Variants in PRDX1 observed in about 807,000 individuals in gnomAD.
The protein encoded by PRDX1 is peroxiredoxin-1.
A neutral mutation model predicts 20.7 loss-of-function variants in PRDX1; 19 were observed. The ratio of observed to expected loss-of-function variants is 0.92; its 90% CI spans 0.64 to 1.35. The LOEUF (loss-of-function observed/expected upper bound fraction) is 1.35. Among genes scored for constraint, PRDX1 ranks in the 40% most tolerant of loss-of-function variants. PRDX1 has a pLI of 0.00. For synonymous variants in PRDX1, 89 were observed against 83.9 expected (o/e 1.06, Z -0.33); for missense variants, 226 against 240.0 (o/e 0.94, Z 0.38).
At chr1:45,518,221 G>C (rs1643877808) in intron 2 of PRDX1, among the ~76,000 whole-genome samples, 1 of 151,902 alleles carries the variant, frequency 6.6e-6, no homozygotes, top group African/African-American at 2.4e-5. Flanking sequence ...CCAGCATTTT[G>C]GGACGCCGAG....
upstream of PRDX1, among the ~76,000 whole-genome samples, chr1:45,522,376 T>C (rs1643922510): frequency 2.0e-5 from 3 of 152,190 alleles, no homozygotes; most frequent in Admixed American, 2.0e-4. Context: ...TTGTTCTCTT[T>C]AATTACAGGG....
In PRDX1 at chr1:45,515,547, G is replaced by C. The variant is rs546983323; in HGVS notation, c.260+107C>G. On this transcript the variant is annotated intron_variant, in intron 3 of 5. Coordinates refer to ENST00000319248, the MANE Select transcript of PRDX1 (RefSeq NM_181697.3). ...CTGGGAGGCAGAGCTTGAAGTGAGC[G>C]GAGATCACACCACTGCACTCCAGCC... 9.6e-6 allele frequency: 11 copies of C among 1,151,488 alleles called. 1 individual carries two copies. The highest frequency in any genetic ancestry group is 1.3e-5 in the Non-Finnish European group (11 of 839,810). 71.3% of individuals were successfully genotyped at this position (1,151,488 alleles called of 1,614,324 possible).
At chr1:45,514,457 A>G (rs1557613016) in intron 5 of PRDX1, 50 bp downstream of exon 5, 2 of 1,603,832 alleles carry the variant, frequency 1.2e-6, no homozygotes, top group African/African-American at 1.3e-5. Flanking sequence ...GGGGCAACCC[A>G]CCCCTTCATA....
chr1:45,522,057 T>C (rs1223677592), upstream of PRDX1: 1 of 152,004 alleles, frequency 6.6e-6, no homozygotes, highest in Non-Finnish European at 1.5e-5. Context: ...TGCGGAAAAA[T>C]ACTAATACCC....
At chr1:45,522,083 G>A (rs1643920542), upstream of PRDX1, 1 of 152,220 alleles carries the variant, frequency 6.6e-6, no homozygotes, top group South Asian at 2.1e-4. Context: ...TGTTGCGGAT[G>A]GCTGAGGTTG....
chr1:45,517,212 G>T (rs1173427151), intron 2 of PRDX1, among the ~76,000 whole-genome samples: 1 of 152,074 alleles, frequency 6.6e-6, no homozygotes, highest in Admixed American at 6.6e-5. Flanking sequence ...CCTGGGCCCA[G>T]GTCACCTCCC....
At chr1:45,521,595 G>C (rs992768982) in intron 1 of PRDX1, 4 of 152,284 alleles carry the variant, frequency 2.6e-5, no homozygotes, top group African/African-American at 9.6e-5. Context: ...GACTCGACTC[G>C]AGTCCACGCT....
At chr1:45,517,714 G>A (rs952066536) in intron 2 of PRDX1, among the ~76,000 whole-genome samples, 2 of 151,498 alleles carry the variant, frequency 1.3e-5, no homozygotes, top group African/African-American at 2.4e-5. Flanking sequence ...CCCAGAAGGC[G>A]GAGCTTGCAG....
chr1:45,512,337 A>G (rs539156193), intron 5 of PRDX1: 1 of 150,400 alleles, frequency 6.6e-6, no homozygotes, highest in African/African-American at 2.4e-5. Context: ...TCCGGGGTTC[A>G]TGCCATTCTC....
In PRDX1 at chr1:45,511,314, A is replaced by C. The variant is rs1260992175; in HGVS notation, c.*15T>G. The C allele has an allele frequency of 3.1e-6, 5 of 1,595,678 alleles. No individual in the cohort carries two copies. The South Asian group carries it at 5.7e-5, about 18-fold the overall frequency. On this transcript the variant is annotated 3_prime_UTR_variant, in exon 6 of 6. Coordinates refer to ENST00000319248, the MANE Select transcript of PRDX1 (RefSeq NM_181697.3). ...TGGCTGCCCACCGCAGCCTGGCACT[A>C]AAACAGCCCAGCGCTCACTTCTGCT... is the stretch of plus-strand genomic sequence containing the variant.
At chr1:45,514,174 A>G (rs1039192182) in intron 5 of PRDX1, among the ~76,000 whole-genome samples, 2 of 152,160 alleles carry the variant, frequency 1.3e-5, no homozygotes, top group Non-Finnish European at 2.9e-5. Context: ...ACAGCACTTA[A>G]TTCTTTACCT....
rs1309588088 is a variant in PRDX1 at position 45,515,788 on chromosome 1, G to A, written c.126C>T (p.Phe42=). 2 of 1,577,852 alleles carry A rather than the reference G, an allele frequency of 1.3e-6. No individual in the cohort carries two copies. Among genetic ancestry groups the A allele is most frequent in the East Asian group, 4.6e-5 (2 of 43,292 alleles). Reference sequence around the variant, plus strand: ...CAAAGGTGAAGTCAAGAGGGTAAAAGAAGAACACAACATATTTTCCTGGGG... The same window carrying A: ...CAAAGGTGAAGTCAAGAGGGTAAAAAAAGAACACAACATATTTTCCTGGGG... ...SDYKGKYVVF[F]FYPLDFTFVC... The change falls in exon 3 of 6, where the codon TTC becomes TTT. Residue 42 remains phenylalanine, a synonymous_variant. Transcript: ENST00000319248.
At chr1:45,515,897 G>T in intron 2 of PRDX1, 90 bp from the exon 3 acceptor site, 1 of 1,289,242 alleles carries the variant, frequency 7.8e-7, no homozygotes, top group Non-Finnish European at 1.0e-6. Context: ...GTTGATGGCT[G>T]ACACAATAAC....
intron 2 of PRDX1, among the ~76,000 whole-genome samples, chr1:45,517,520 G>A (rs1383057741): frequency 6.6e-6 from 1 of 152,064 alleles, no homozygotes; most frequent in African/African-American, 2.4e-5. Flanking sequence ...AGTGGCTCAC[G>A]CCTGTAATCC....
At chr1:45,517,840 A>G (rs1357774699) in intron 2 of PRDX1, among the ~76,000 whole-genome samples, 1 of 51,788 alleles carries the variant, frequency 1.9e-5, no homozygotes, top group African/African-American at 6.0e-5. Flanking sequence ...TCCATCTGTA[A>G]TATCAACTCT....
chr1:45,520,905 A>G (rs1643906254), intron 1 of PRDX1, among the ~76,000 whole-genome samples: 1 of 149,298 alleles, frequency 6.7e-6, no homozygotes, highest in African/African-American at 2.6e-5. Context: ...CTCTAGCTCA[A>G]AAAACAGAGA....
intron 1 of PRDX1, among the ~76,000 whole-genome samples, chr1:45,519,389 G>A (rs1303445028): frequency 2.0e-5 from 3 of 152,244 alleles, no homozygotes; most frequent in Non-Finnish European, 2.9e-5. Context: ...AGCAGAGAGA[G>A]AGGCAGATGA....
At position 45,519,121 on chromosome 1, in the gene PRDX1, C is replaced by T. The variant is rs529968386; in HGVS notation, c.-11-67G>A. Reference sequence around the variant, plus strand: ...CTACATAACCAGCAGCCTTCACCTACTTAAAGAGACTTAGCTGTAAACAAT... The same window carrying T: ...CTACATAACCAGCAGCCTTCACCTATTTAAAGAGACTTAGCTGTAAACAAT... On this transcript the variant is annotated intron_variant, in intron 1 of 5. Coordinates refer to ENST00000319248, the MANE Select transcript of PRDX1 (RefSeq NM_181697.3). The T allele has an allele frequency of 5.2e-4, 549 of 1,057,322 alleles. 1 individual carries two copies. The highest frequency in any genetic ancestry group is 6.9e-4 in the Non-Finnish European group (492 of 713,594). 65.5% of individuals were successfully genotyped at this position (1,057,322 alleles called of 1,614,324 possible).
rs746316271 is a variant in PRDX1, at chr1:45,511,161, G to T, written c.*168C>A. The T allele has an allele frequency of 1.7e-6, 1 of 592,820 alleles. No individual in the cohort carries two copies. The highest frequency in any genetic ancestry group is 2.9e-6 in the Non-Finnish European group (1 of 340,790). The allele number at this position is 592,820 out of a possible 1,614,324, so 36.7% of individuals were successfully genotyped here. On this transcript the variant is annotated 3_prime_UTR_variant, in exon 6 of 6. Transcript: ENST00000319248. ...GCCAACTCAGGCCATTCCTACCAAA[G>T]GAAGAAAGGCTGGTCTCTCCACCCC...
Sources: allele counts gnomAD v4.1 joint callset (sites outside exome capture counted in the v4.1 genomes callset), GRCh38; gene constraint gnomAD v4.1.1; transcripts MANE v1.5; gene names NCBI Gene and HGNC (gene_info 2026-07-23, HGNC 2026-07-21).